The following DNAH11 variants were observed in gnomAD, a reference collection of about 807,000 sequenced individuals.
The protein encoded by DNAH11 is axonemal beta dynein heavy chain 11.
Under a neutral mutation model 526.0 loss-of-function variants are expected in DNAH11, and 442 were observed. That is an observed-to-expected ratio of 0.84 (90% CI 0.78 to 0.91). The LOEUF (loss-of-function observed/expected upper bound fraction) is 0.91, where lower values mean the gene tolerates loss of function less well. Ranked by LOEUF, DNAH11 falls within the 40% of genes least tolerant of loss-of-function variation. The probability of loss-of-function intolerance (pLI) is 0.00; values close to 1 mark genes in which losing one functional copy is unlikely to be tolerated. For synonymous variants in DNAH11, 2,461 were observed against 1,935.9 expected (o/e 1.27, Z -7.12); for missense variants, 6,989 against 5,448.7 (o/e 1.28, Z -8.90).
intron 79 of DNAH11, among the ~76,000 whole-genome samples, chr7:21,896,804 T>C (rs1001904615): frequency 6.6e-6 from 1 of 152,156 alleles, no homozygotes; most frequent in Admixed American, 6.5e-5. Flanking sequence ...CAGTGGCTCA[T>C]GCCCAGCACT....
chr7:21,701,018 T>G (rs1459433762), intron 36 of DNAH11, among the ~76,000 whole-genome samples: 1 of 152,022 alleles, frequency 6.6e-6, no homozygotes, highest in East Asian at 1.9e-4. Context: ...GATAACAGGT[T>G]GATGGGTACA....
intron 34 of DNAH11, among the ~76,000 whole-genome samples, chr7:21,688,269 G>A (rs1415605818): frequency 6.6e-6 from 1 of 152,074 alleles, no homozygotes; most frequent in Non-Finnish European, 1.5e-5. Flanking sequence ...ATAAAATGGG[G>A]GAAAGAAGAG....
intron 34 of DNAH11, among the ~76,000 whole-genome samples, chr7:21,689,109 C>T (rs868662244): frequency 1.3e-5 from 2 of 152,270 alleles, no homozygotes; most frequent in Non-Finnish European, 1.5e-5. Context: ...CCTTGGGTCC[C>T]AGTTTTTTGT....
intron 66 of DNAH11, among the ~76,000 whole-genome samples, chr7:21,848,340 C>CTCTCTG: frequency 6.6e-6 from 1 of 151,700 alleles, no homozygotes; most frequent in Non-Finnish European, 1.5e-5. Context: ...CTCCATCTCT[C>CTCTCTG]TCTCTCTCTC....
At chr7:21,878,964 A>G (rs1238301098) in intron 74 of DNAH11, among the ~76,000 whole-genome samples, 1 of 152,214 alleles carries the variant, frequency 6.6e-6, no homozygotes, top group Admixed American at 6.5e-5. Context: ...CTGTTGCTCA[A>G]TGCCAGCTGA....
chr7:21,730,828 G>A (rs148166844), intron 45 of DNAH11, among the ~76,000 whole-genome samples: 1 of 152,120 alleles, frequency 6.6e-6, no homozygotes, highest in Non-Finnish European at 1.5e-5. Context: ...AGAAAAAATT[G>A]TAAGTATTCT....
At position 21,704,569 on chromosome 7, in the gene DNAH11, A is replaced by G. The variant is rs1562499077; in HGVS notation, c.6409A>G (p.Met2137Val). 6.2e-7 allele frequency: 1 copy of G among 1,613,824 alleles called. No individual in the cohort carries two copies. Among genetic ancestry groups the G allele is most frequent in the East Asian group, 2.2e-5 (1 of 44,884 alleles). Residue 2137 changes from methionine to valine, a missense_variant, in exon 38 of 82, where the codon ATG (methionine) becomes GTG (valine). By Grantham distance (21) the Met-to-Val change is conservative. Transcript: ENST00000409508. Reference protein sequence around the residue: ...PRRRKLHFEQMVRQSTLELRL... With the variant: ...PRRRKLHFEQVVRQSTLELRL... ...GAGGAGGAAGCTGCACTTTGAACAG[A>G]TGGTCAGGCAGTCTACCCTGGAGCT...
At chr7:21,714,879 T>G (rs1265988597) in intron 42 of DNAH11, among the ~76,000 whole-genome samples, 1 of 152,214 alleles carries the variant, frequency 6.6e-6, no homozygotes, top group African/African-American at 2.4e-5. Flanking sequence ...TACAAAAGAC[T>G]AGATACTTCT....
At chr7:21,601,337 C>G in intron 17 of DNAH11, 59 bp from the exon 18 acceptor site, 1 of 1,515,934 alleles carries the variant, frequency 6.6e-7, no homozygotes, top group Non-Finnish European at 8.9e-7. Context: ...AAGTCTTATA[C>G]TGCTAAATGT....
intron 25 of DNAH11, among the ~76,000 whole-genome samples, chr7:21,630,180 A>C (rs1284732196): frequency 6.6e-6 from 1 of 152,134 alleles, no homozygotes; most frequent in Non-Finnish European, 1.5e-5. Context: ...AAAAAAACCC[A>C]AAGAAAAAAT....
chr7:21,886,822 A>C (rs183959156), intron 76 of DNAH11, among the ~76,000 whole-genome samples: 1 of 152,186 alleles, frequency 6.6e-6, no homozygotes, highest in Non-Finnish European at 1.5e-5. Context: ...GCCCTTTAGA[A>C]ATTTAGGTAC....
At chr7:21,743,548 T>C (rs1786012074) in intron 49 of DNAH11, among the ~76,000 whole-genome samples, 1 of 152,176 alleles carries the variant, frequency 6.6e-6, no homozygotes, top group African/African-American at 2.4e-5. Flanking sequence ...TAGGACCTCT[T>C]TATATTTTTG....
intron 42 of DNAH11, among the ~76,000 whole-genome samples, chr7:21,716,425 A>G (rs1234518266): frequency 6.6e-6 from 1 of 152,176 alleles, no homozygotes; most frequent in African/African-American, 2.4e-5. Context: ...GGTTCATATT[A>G]TTACCCTCTC....
At chr7:21,620,246 C>G (rs1785981717) in intron 25 of DNAH11, among the ~76,000 whole-genome samples, 168 bp downstream of exon 25, 1 of 152,134 alleles carries the variant, frequency 6.6e-6, no homozygotes, top group South Asian at 2.1e-4. Flanking sequence ...TGGTGAATCA[C>G]TTAAAATCTC....
chr7:21,687,546 A>G lies in DNAH11; in HGVS notation c.5924+19A>G, dbSNP rs112923391. On this transcript the variant is annotated intron_variant, in intron 34 of 81. Transcript: ENST00000409508. ...AGAAGAGGTGAGTGGCATGCAGGCT[A>G]TCTCTTGTTACAAATAGAAAAACAT... 1,163 of 1,609,798 alleles carry G rather than the reference A, an allele frequency of 7.2e-4. 5 individuals are homozygous for G. The African/African-American group carries it at 0.012, about 17-fold the overall frequency.
chr7:21,815,604 A>T (rs1483679707), intron 63 of DNAH11, among the ~76,000 whole-genome samples: 1 of 152,132 alleles, frequency 6.6e-6, no homozygotes, highest in African/African-American at 2.4e-5. Context: ...TTATGGAGGC[A>T]TGCTTCCATG....
intron 54 of DNAH11, among the ~76,000 whole-genome samples, chr7:21,751,020 A>G (rs565432126): frequency 2.0e-5 from 3 of 152,252 alleles, no homozygotes; most frequent in African/African-American, 4.8e-5. Flanking sequence ...AGGGAAAGGA[A>G]TTTAGAAGTA....
At chr7:21,655,597 A>G (rs1183472136) in intron 28 of DNAH11, among the ~76,000 whole-genome samples, 4 of 152,204 alleles carry the variant, frequency 2.6e-5, no homozygotes, top group Non-Finnish European at 5.9e-5. Flanking sequence ...GTCACTTTTC[A>G]TGGTAAGCAT....
chr7:21,861,712 C>CA, intron 68 of DNAH11, 141 bp from the exon 69 acceptor site: 1 of 695,596 alleles, frequency 1.4e-6, no homozygotes, highest in Non-Finnish European at 2.3e-6. Flanking sequence ...TACCATGTGC[C>CA]AGAAACTATA....
Sources: allele counts gnomAD v4.1 joint callset (sites outside exome capture counted in the v4.1 genomes callset), GRCh38; gene constraint gnomAD v4.1.1; transcripts MANE v1.5; gene names NCBI Gene and HGNC (gene_info 2026-07-23, HGNC 2026-07-21).